The following NOSIP variants were observed in gnomAD, a reference collection of about 807,000 sequenced individuals.
NOSIP encodes nitric oxide synthase interacting protein.
Under a neutral mutation model 36.4 loss-of-function variants are expected in NOSIP, and 25 were observed. The observed-to-expected ratio is 0.69, with a 90% confidence interval of 0.50 to 0.96. The LOEUF is 0.96. NOSIP is among the 40% of genes least tolerant of loss of function. NOSIP has a pLI of 0.00. For missense variants in NOSIP, 370 were observed against 429.0 expected (o/e 0.86, Z 1.21); for synonymous variants, 187 against 179.2 (o/e 1.04, Z -0.35).
Position 49,560,177 on chromosome 19 carries a change from C to A in NOSIP, c.71-138G>T. ...CAGAGAGAAACAGGCAGTTGGGAGC[C>A]GCTGCCTGTGTGCTGGGGCCACGGG... On this transcript the variant is annotated intron_variant, in intron 2 of 8. Coordinates refer to ENST00000596358, the MANE Select transcript of NOSIP (RefSeq NM_001270960.2). This position sits in a 1 kb window ranked among gnomAD's most constrained non-coding sequence, Gnocchi z 4.6. 1 of 640,416 alleles carries A rather than the reference C, an allele frequency of 1.6e-6. No homozygotes were observed. Among genetic ancestry groups the A allele is most frequent in the Non-Finnish European group, 2.8e-6 (1 of 363,218 alleles). The allele number at this position is 640,416 out of a possible 1,614,324, so 39.7% of individuals were successfully genotyped here. A position where few individuals can be genotyped will look rare whatever the true frequency, so the allele number is the denominator to read the frequency against.
intron 3 of NOSIP, chr19:49,559,596 C>A: frequency 3.5e-6 from 1 of 287,814 alleles, no homozygotes; most frequent in Non-Finnish European, 6.7e-6. Context: ...TAATTGAGCA[C>A]GTATTTAGTG....
Position 49,557,142 on chromosome 19 carries a change from C to G in NOSIP, c.366G>C (p.Val122=), listed in dbSNP as rs1568721984. 2 of 1,612,494 alleles carry G rather than the reference C, an allele frequency of 1.2e-6. No homozygotes were observed. The highest frequency in any genetic ancestry group is 2.2e-5 in the East Asian group (1 of 44,818). The change falls in exon 5 of 9, where the codon GTG becomes GTC. Residue 122 remains valine (V), a synonymous_variant. Coordinates refer to ENST00000596358, the MANE Select transcript of NOSIP (RefSeq NM_001270960.2). ...RGFLEKESAI[V]SRPLNPFTAK... is the part of the protein sequence containing the mutation. ...CTGTGAAAGGGTTGAGGGGCCGGCT[C>G]ACGATAGCCGACTCCTTCTCCAGGA...
chr19:49,575,602 G>T (rs898694713), intron 1 of NOSIP, among the ~76,000 whole-genome samples: 1 of 152,148 alleles, frequency 6.6e-6, no homozygotes, highest in Non-Finnish European at 1.5e-5. Flanking sequence ...GGAAGTCAGA[G>T]GATATAGCAG....
chr19:49,577,085 T>C (rs576595393), intron 1 of NOSIP, among the ~76,000 whole-genome samples: 1 of 152,130 alleles, frequency 6.6e-6, no homozygotes, highest in African/African-American at 2.4e-5. Flanking sequence ...CCCCCTAGAA[T>C]GACTATAATC....
rs1342339100 is a variant in NOSIP, at chr19:49,556,308, G to A, written c.834+9C>T. 1 of 1,583,484 alleles carries A rather than the reference G, an allele frequency of 6.3e-7. No individual in the cohort carries two copies. The highest frequency in any genetic ancestry group is 8.6e-7 in the Non-Finnish European group (1 of 1,158,348). On this transcript the variant is annotated intron_variant, in intron 8 of 8. Coordinates refer to ENST00000596358, the MANE Select transcript of NOSIP (RefSeq NM_001270960.2). ...AGTGCTGGGGGAAGGGGAGGGGTGGGACTCTTACCCGCTGCAGCACGATGA... is the reference window on the plus strand; with the variant it reads ...AGTGCTGGGGGAAGGGGAGGGGTGGAACTCTTACCCGCTGCAGCACGATGA...
intron 1 of NOSIP, among the ~76,000 whole-genome samples, chr19:49,565,769 A>AAAAGAAAG (rs147179302): frequency 4.1e-4 from 57 of 140,066 alleles, no homozygotes; most frequent in African/African-American, 1.6e-3. Flanking sequence ...AAAGAAAAAA[A>AAAAGAAAG]AAAGAAAGAA....
At chr19:49,561,814 C>A (rs1347598724) in intron 1 of NOSIP, among the ~76,000 whole-genome samples, 1 of 150,696 alleles carries the variant, frequency 6.6e-6, no homozygotes, top group Non-Finnish European at 1.5e-5. Flanking sequence ...GCCCAGGAGG[C>A]AGGGGTTGCA....
At chr19:49,566,414 T>C (rs1038570080) in intron 1 of NOSIP, among the ~76,000 whole-genome samples, 1 of 152,114 alleles carries the variant, frequency 6.6e-6, no homozygotes, top group Non-Finnish European at 1.5e-5. Flanking sequence ...GCTCAAGTGA[T>C]CCTCCCACCA....
rs2080315522 is a variant in NOSIP at position 49,560,351 on chromosome 19, C to CA, written c.70+270dup. 3.5e-6 allele frequency: 2 copies of CA among 577,724 alleles called. No homozygotes were observed. The highest frequency in any genetic ancestry group is 1.9e-5 in the African/African-American group (1 of 53,506). The allele number at this position is 577,724 out of a possible 1,614,324, so 35.8% of individuals were successfully genotyped here. A position where few individuals can be genotyped will look rare whatever the true frequency, so the allele number is the denominator to read the frequency against. On this transcript the variant is annotated intron_variant, in intron 2 of 8. Coordinates refer to ENST00000596358, the MANE Select transcript of NOSIP (RefSeq NM_001270960.2). The surrounding 1 kb of genome is among the most constrained non-coding windows in gnomAD (Gnocchi z 4.6). ...CAAGTGCCTGTCCCTCTTTGGGCCT[C>CA]AGTTTCTTCCTCTGGAACATGGGGT...
At position 49,577,291 on chromosome 19, in the gene NOSIP, G is replaced by C. The variant is rs1055690506; in HGVS notation, c.-2+3224C>G. ...ACATCCATGCAGGCGGGGCGCGGTG[G>C]CTCATGCCTGTAATCCCAGCACTTT... On this transcript the variant is annotated intron_variant, in intron 1 of 8. Coordinates refer to ENST00000596358, the MANE Select transcript of NOSIP (RefSeq NM_001270960.2). Among the ~76,000 whole-genome samples the C allele has an allele frequency of 2.6e-5, 4 of 152,198 alleles. No individual in the cohort carries two copies. In the South Asian group the frequency reaches 8.3e-4, roughly 31 times the overall value.
rs544137457 is a variant in NOSIP, at chr19:49,563,127, C to T, written c.-1-2435G>A. ...GTTTTTCTCTTTGAACTTGTATTTC[C>T]GTTCCACTTCCCTCTCTGCCACCCA... On this transcript the variant is annotated intron_variant, in intron 1 of 8. Transcript: ENST00000596358. 6.6e-5 allele frequency among the ~76,000 whole-genome samples: 10 copies of T among 152,070 alleles called. No individual in the cohort carries two copies. In the East Asian group the frequency reaches 1.9e-3, roughly 29 times the overall value.
chr19:49,559,009 GA>G, intron 3 of NOSIP, 31 bp from the exon 4 acceptor site: 1 of 1,583,876 alleles, frequency 6.3e-7, no homozygotes, highest in Non-Finnish European at 8.7e-7. Context: ...GAGAAAGAAA[GA>G]AAGTGATCCT....
chr19:49,566,910 G>A (rs2080416708), intron 1 of NOSIP: 1 of 150,592 alleles, frequency 6.6e-6, no homozygotes, highest in African/African-American at 2.5e-5. Context: ...TGCCTCCCAG[G>A]TTCAAGCAAA....
intron 1 of NOSIP, among the ~76,000 whole-genome samples, chr19:49,565,231 C>T (rs2080390202): frequency 6.6e-6 from 1 of 151,684 alleles, no homozygotes; most frequent in Non-Finnish European, 1.5e-5. Flanking sequence ...CATGATTGGG[C>T]CACTGCACTC....
At chr19:49,557,305 C>G (rs747743679) in intron 4 of NOSIP, 56 bp from the exon 5 acceptor site, 387 of 1,511,326 alleles carry the variant, frequency 2.6e-4, no homozygotes, top group Non-Finnish European at 3.1e-4. Flanking sequence ...GTATCTTCCT[C>G]CCATTTCACA....
chr19:49,560,300 T>C lies in NOSIP; in HGVS notation c.71-261A>G, dbSNP rs1017404946. Reference sequence around the variant, plus strand: ...TGGAGGGGCTGACGGCTGACTCCCCTCCACCCTTCTGACTGTGACCAAGCT... The same window carrying C: ...TGGAGGGGCTGACGGCTGACTCCCCCCCACCCTTCTGACTGTGACCAAGCT... On this transcript the variant is annotated intron_variant, in intron 2 of 8. Coordinates refer to ENST00000596358, the MANE Select transcript of NOSIP (RefSeq NM_001270960.2). This position sits in a 1 kb window ranked among gnomAD's most constrained non-coding sequence, Gnocchi z 4.6. 5 of 576,720 alleles carry C rather than the reference T, an allele frequency of 8.7e-6. No individual in the cohort carries two copies. The highest frequency in any genetic ancestry group is 7.5e-5 in the African/African-American group (4 of 53,288). 35.7% of individuals were successfully genotyped at this position (576,720 alleles called of 1,614,324 possible). A position where few individuals can be genotyped will look rare whatever the true frequency, so the allele number is the denominator to read the frequency against.
At position 49,573,857 on chromosome 19, in the gene NOSIP, A is replaced by T. The variant is rs76892655; in HGVS notation, c.-2+6658T>A. 7.8e-3 allele frequency among the ~76,000 whole-genome samples: 1,011 copies of T among 129,392 alleles called. 8 individuals are homozygous for T. Among genetic ancestry groups the T allele is most frequent in the African/African-American group, 0.026 (905 of 34,160 alleles). 84.9% of individuals were successfully genotyped at this position (129,392 alleles called of 152,430 possible). A position where few individuals can be genotyped will look rare whatever the true frequency, so the allele number is the denominator to read the frequency against. On this transcript the variant is annotated intron_variant, in intron 1 of 8. Coordinates refer to ENST00000596358, the MANE Select transcript of NOSIP (RefSeq NM_001270960.2). The stretch of plus-strand genomic sequence containing the variant: ...GTCTCACTGTCACCAGGACTGAAGT[A>T]TTTTTTTTTTTTTTTTTTTGGAGAC...
At chr19:49,559,024 G>T (rs767268699) in intron 3 of NOSIP, 46 bp from the exon 4 acceptor site, 1 of 1,493,474 alleles carries the variant, frequency 6.7e-7, no homozygotes, top group South Asian at 1.1e-5. Flanking sequence ...TGATCCTCCC[G>T]CCTCGGCCTC....
rs2080292495 is a variant in NOSIP at position 49,558,880 on chromosome 19, C to CTCCCCA, written c.258+11_258+16dup. 3 of 1,608,822 alleles carry CTCCCCA rather than the reference C, an allele frequency of 1.9e-6. No individual in the cohort carries two copies. Among genetic ancestry groups the CTCCCCA allele is most frequent in the East Asian group, 2.2e-5 (1 of 44,848 alleles). ...AGCTCCTGCCTCCGTGTGCCGCCTC[C>CTCCCCA]TCCCCATCCCCATCACCTTCATCTG... On this transcript the variant is annotated intron_variant, in intron 4 of 8. Transcript: ENST00000596358.
Sources: allele counts gnomAD v4.1 joint callset (sites outside exome capture counted in the v4.1 genomes callset), GRCh38; gene constraint gnomAD v4.1.1; non-coding constraint Gnocchi (gnomAD v3.1); transcripts MANE v1.5; gene names NCBI Gene and HGNC (gene_info 2026-07-23, HGNC 2026-07-21).